Variants in KMT2E observed in about 807,000 individuals in gnomAD.
KMT2E encodes the protein lysine methyltransferase 2E (inactive).
A neutral mutation model predicts 184.6 loss-of-function variants in KMT2E; 30 were observed. The observed-to-expected ratio is 0.16, with a 90% CI of 0.12 to 0.22. KMT2E has a LOEUF of 0.22. Among genes scored for constraint, KMT2E ranks in the 10% least tolerant of loss-of-function variants. The pLI, the probability that KMT2E is intolerant of heterozygous loss-of-function variation, is 1.00. For synonymous variants in KMT2E, 815 were observed against 776.5 expected (o/e 1.05, Z -0.82); for missense variants, 2,023 against 2,237.4 (o/e 0.90, Z 1.93).
chr7:105,086,999 ATTTG>A (rs1454826254), intron 13 of KMT2E, among the ~76,000 whole-genome samples: 1 of 146,908 alleles, frequency 6.8e-6, no homozygotes, highest in Non-Finnish European at 1.5e-5. Flanking sequence ...TGTATATGCT[ATTTG>A]TTGGCAAATA....
chr7:105,068,811 T>C lies in KMT2E; in HGVS notation c.497+2004T>C, dbSNP rs551940792. Among the ~76,000 whole-genome samples the C allele has an allele frequency of 5.3e-4, 80 of 152,178 alleles. 1 individual carries two copies. The South Asian group carries it at 0.015, about 28-fold the overall frequency. On this transcript the variant is annotated intron_variant, in intron 6 of 26. Coordinates refer to ENST00000311117, the MANE Select transcript of KMT2E (RefSeq NM_182931.3). ...TTAACTATTCGGTTCTCTTAAGATATATTTCATTGAGGAAAGGCTGGATAA... is the reference window on the plus strand; with the variant it reads ...TTAACTATTCGGTTCTCTTAAGATACATTTCATTGAGGAAAGGCTGGATAA...
intron 1 of KMT2E, among the ~76,000 whole-genome samples, chr7:105,018,217 T>A (rs992578506): frequency 1.3e-5 from 2 of 152,226 alleles, no homozygotes; most frequent in Non-Finnish European, 2.9e-5. Context: ...TTCTGGAAGC[T>A]ACTACTACTG....
At chr7:105,048,842 G>T (rs1298751387) in intron 3 of KMT2E, among the ~76,000 whole-genome samples, 1 of 152,128 alleles carries the variant, frequency 6.6e-6, no homozygotes, top group Non-Finnish European at 1.5e-5. Context: ...TTTGACCCAG[G>T]GTTCTAGTTT....
intron 1 of KMT2E, among the ~76,000 whole-genome samples, chr7:105,029,373 T>C (rs1795308259): frequency 6.6e-6 from 1 of 152,252 alleles, no homozygotes; most frequent in Admixed American, 6.5e-5. Flanking sequence ...TAGTATATGT[T>C]CAATAAATAT....
intron 1 of KMT2E, among the ~76,000 whole-genome samples, chr7:105,030,288 A>G (rs1245672703): frequency 6.6e-6 from 1 of 152,208 alleles, no homozygotes; most frequent in Admixed American, 6.5e-5. Context: ...CAGATATCTT[A>G]AAACTATCTA....
intron 12 of KMT2E, 67 bp downstream of exon 12, chr7:105,079,030 C>A: frequency 1.2e-6 from 1 of 831,494 alleles, no homozygotes; most frequent in Non-Finnish European, 2.1e-6. Flanking sequence ...GAGCAATAAG[C>A]ACAAAACTCA....
At chr7:105,097,478 C>T (rs1390641489) in intron 15 of KMT2E, among the ~76,000 whole-genome samples, 5 of 152,116 alleles carry the variant, frequency 3.3e-5, no homozygotes, top group East Asian at 1.9e-4. Flanking sequence ...CTCTGCCTCC[C>T]GGGTTCAAGT....
rs1799174250 is a variant in KMT2E, at chr7:105,110,457, C to T, written c.3845-20C>T. The T allele has an allele frequency of 3.7e-6, 6 of 1,614,134 alleles. No individual in the cohort carries two copies. The highest frequency in any genetic ancestry group is 5.1e-6 in the Non-Finnish European group (6 of 1,180,014). ...TGCAGCTCTAATGTTCTCTTTGGGTCTGCTCTGCTTCATCTCTAGGGGGAG... is the reference window on the plus strand; with the variant it reads ...TGCAGCTCTAATGTTCTCTTTGGGTTTGCTCTGCTTCATCTCTAGGGGGAG... On this transcript the variant is annotated intron_variant, in intron 24 of 26. Coordinates refer to ENST00000311117, the MANE Select transcript of KMT2E (RefSeq NM_182931.3).
chr7:105,047,748 C>A (rs1424758092), intron 3 of KMT2E, among the ~76,000 whole-genome samples: 1 of 152,182 alleles, frequency 6.6e-6, no homozygotes, highest in Non-Finnish European at 1.5e-5. Flanking sequence ...AGATCCATGT[C>A]TTGCTTTTTC....
chr7:105,097,813 G>A (rs1475790813), intron 15 of KMT2E, among the ~76,000 whole-genome samples: 1 of 152,152 alleles, frequency 6.6e-6, no homozygotes. Flanking sequence ...TTTAAGTAAC[G>A]TGATACGTGC....
At chr7:105,081,102 C>T (rs1180669480) in intron 12 of KMT2E, among the ~76,000 whole-genome samples, 1 of 150,344 alleles carries the variant, frequency 6.7e-6, no homozygotes, top group Non-Finnish European at 1.5e-5. Context: ...ATTGATGAGG[C>T]TGGGTGCGGT....
intron 9 of KMT2E, among the ~76,000 whole-genome samples, chr7:105,076,362 G>A (rs1425829586): frequency 6.6e-6 from 1 of 152,138 alleles, no homozygotes; most frequent in African/African-American, 2.4e-5. Flanking sequence ...CCATGTCTCT[G>A]ATGCCAGTTA....
chr7:105,110,972 C>T (rs2299299), intron 26 of KMT2E, 104 bp downstream of exon 26: 150,619 of 759,262 alleles, frequency 0.2, 23,519 homozygotes, highest in East Asian at 0.61. Flanking sequence ...CAAGTATCAA[C>T]TTGTGACTTC....
In KMT2E at chr7:105,021,676, G is replaced by A. The variant is rs1231423253; in HGVS notation, c.-189+7141G>A. On this transcript the variant is annotated intron_variant, in intron 1 of 26. Transcript: ENST00000311117. Reference sequence around the variant, plus strand: ...GATGGTGGTGGGGTGGGTGTTCATGGTTTGTAGAGTGGCGTTTCTCAGAGT... The same window carrying A: ...GATGGTGGTGGGGTGGGTGTTCATGATTTGTAGAGTGGCGTTTCTCAGAGT... Among the ~76,000 whole-genome samples the A allele has an allele frequency of 4.1e-5, 5 of 122,590 alleles. No homozygotes were observed. The Admixed American group carries it at 4.6e-4, about 11-fold the overall frequency. The allele number at this position is 122,590 out of a possible 152,430, so 80.4% of individuals were successfully genotyped here. A position where few individuals can be genotyped will look rare whatever the true frequency, so the allele number is the denominator to read the frequency against.
At chr7:105,073,779 A>T in intron 7 of KMT2E, 102 bp downstream of exon 7, 1 of 701,378 alleles carries the variant, frequency 1.4e-6, no homozygotes, top group Non-Finnish European at 2.5e-6. Flanking sequence ...GTTAAATGTA[A>T]ATACCTTGTT....
intron 3 of KMT2E, among the ~76,000 whole-genome samples, chr7:105,044,106 AAAAC>A (rs1349606945): frequency 6.6e-6 from 1 of 152,194 alleles, no homozygotes; most frequent in Non-Finnish European, 1.5e-5. Flanking sequence ...TCAAAAAAGT[AAAAC>A]AAAATAATTC....
chr7:105,031,277 A>G (rs1183739523), intron 1 of KMT2E, among the ~76,000 whole-genome samples: 1 of 143,034 alleles, frequency 7.0e-6, no homozygotes, highest in Admixed American at 7.5e-5. Flanking sequence ...CAATCGCTTG[A>G]TCCTGGGAGG....
chr7:105,066,969 A>T (rs1797051011), intron 6 of KMT2E, among the ~76,000 whole-genome samples, 162 bp downstream of exon 6: 1 of 149,358 alleles, frequency 6.7e-6, no homozygotes. Flanking sequence ...AGGCAGGAAG[A>T]TTGCTTGAGC....
chr7:105,077,102 T>C lies in KMT2E; in HGVS notation c.908T>C (p.Ile303Thr). 1.2e-6 allele frequency: 2 copies of C among 1,613,964 alleles called. No homozygotes were observed. Among genetic ancestry groups the C allele is most frequent in the Non-Finnish European group, 1.7e-6 (2 of 1,179,974 alleles). Residue 303 changes from isoleucine (I) to threonine (T), a missense_variant, in exon 10 of 27, where the codon ATA (isoleucine) becomes ACA (threonine). Physicochemically the swap from Ile to Thr is moderately conservative, Grantham distance 89. Transcript: ENST00000311117. ...SEGVQREAQRIALRLGNGNDK... is the reference protein window; with the variant it reads ...SEGVQREAQRTALRLGNGNDK... Reference sequence around the variant, plus strand: ...GGTGTTCAGAGGGAGGCACAAAGAATAGCTCTGAGATTAGGCAATGGAAAT... The same window carrying C: ...GGTGTTCAGAGGGAGGCACAAAGAACAGCTCTGAGATTAGGCAATGGAAAT...
Sources: gnomAD v4.1 joint callset for allele counts (sites outside exome capture counted in the v4.1 genomes callset) on GRCh38, gnomAD v4.1.1 for gene constraint, MANE v1.5 for transcripts, NCBI Gene and HGNC (gene_info 2026-07-23, HGNC 2026-07-21) for gene names.